LRP2: variants seen among roughly 807,000 people sequenced by gnomAD.
LRP2 encodes LDL receptor related protein 2, also known as low-density lipoprotein receptor-related protein 2.
In LRP2, 172 loss-of-function variants were observed where a neutral mutation model predicts 531.0. The observed-to-expected ratio is 0.32, with a 90% CI of 0.29 to 0.37. LRP2 has a LOEUF of 0.37. LRP2 is among the 10% of genes least tolerant of loss of function. LRP2 has a pLI of 1.00. For missense variants in LRP2, 5,167 were observed against 5,868.3 expected, an observed-to-expected ratio of 0.88 and a Z score of 3.90; for synonymous variants, 1,992 against 2,027.6, an observed-to-expected ratio of 0.98 and a Z score of 0.47.
At chr2:169,277,193 C>CA (rs5836227) in intron 13 of LRP2, among the ~76,000 whole-genome samples, 4,872 of 88,020 alleles carry the variant, frequency 0.055, 152 homozygotes, top group South Asian at 0.12. Flanking sequence ...GACTCCATCT[C>CA]AAAAAAAAAA....
chr2:169,205,329 T>C (rs2105331019), intron 41 of LRP2, 150 bp downstream of exon 41: 1 of 827,914 alleles, frequency 1.2e-6, no homozygotes, highest in Non-Finnish European at 2.0e-6. Context: ...CAAGTTCCAA[T>C]ATAAACATAG....
Position 169,362,516 on chromosome 2 carries a change from T to C in LRP2, c.-117A>G. 2 of 903,806 alleles carry C rather than the reference T, an allele frequency of 2.2e-6. No homozygotes were observed. Among genetic ancestry groups the C allele is most frequent in the Non-Finnish European group, 3.5e-6 (2 of 573,990 alleles). The allele number at this position is 903,806 out of a possible 1,614,324, so 56.0% of individuals were successfully genotyped here. On this transcript the variant is annotated 5_prime_UTR_variant, in exon 1 of 79. Transcript: ENST00000649046. ...CCTTTAGGTCTGCACCTCCGCCAGC[T>C]CCTAGTGGCCAAAAGCCTGCCCCCA...
Position 169,127,334 on chromosome 2 carries a change from T to C in LRP2, c.*1329A>G, listed in dbSNP as rs1047026295. On this transcript the variant is annotated 3_prime_UTR_variant, in exon 79 of 79. Coordinates refer to ENST00000649046, the MANE Select transcript of LRP2 (RefSeq NM_004525.3). ...CAATATTAGCACAGAGAGTCAGGTA[T>C]GCTATTTGCTATGGGAAAGTGTATA... is the stretch of plus-strand genomic sequence containing the variant. The C allele has an allele frequency of 3.3e-5, 5 of 152,366 alleles. No homozygotes were observed. The South Asian group carries it at 6.2e-4, about 19-fold the overall frequency. 9.4% of individuals were successfully genotyped at this position (152,366 alleles called of 1,614,324 possible).
At chr2:169,315,180 A>G (rs754257468) in intron 3 of LRP2, among the ~76,000 whole-genome samples, 41 of 152,172 alleles carry the variant, frequency 2.7e-4, no homozygotes, top group Non-Finnish European at 4.0e-4. Flanking sequence ...TTACACAAAC[A>G]TCTGTTGAGG....
chr2:169,299,230 C>T (rs1478513087), intron 4 of LRP2, among the ~76,000 whole-genome samples: 1 of 151,248 alleles, frequency 6.6e-6, no homozygotes, highest in Non-Finnish European at 1.5e-5. Flanking sequence ...TATGGTCATC[C>T]CGAGGACTTG....
intron 51 of LRP2, 50 bp downstream of exon 51, chr2:169,182,117 G>A (rs1559000511): frequency 6.2e-7 from 1 of 1,608,900 alleles, no homozygotes; most frequent in Non-Finnish European, 8.5e-7. Context: ...CGGTAACAGA[G>A]GCAGAAGAAG....
chr2:169,162,799 T>C (rs1188842453), intron 62 of LRP2, among the ~76,000 whole-genome samples, 199 bp from the exon 63 acceptor site: 1 of 152,230 alleles, frequency 6.6e-6, no homozygotes, highest in African/African-American at 2.4e-5. Flanking sequence ...GTGTCACTAC[T>C]GGGCTGAAGC....
intron 16 of LRP2, among the ~76,000 whole-genome samples, chr2:169,261,929 G>A (rs1343057517): frequency 2.0e-5 from 3 of 150,774 alleles, no homozygotes; most frequent in African/African-American, 4.9e-5. Context: ...GGGATGCAAG[G>A]CTGGTTCAAT....
At chr2:169,288,241 T>A (rs58168906) in intron 9 of LRP2, among the ~76,000 whole-genome samples, 2,163 of 152,294 alleles carry the variant, frequency 0.014, 54 homozygotes, top group African/African-American at 0.049. Context: ...AAACTGATGA[T>A]AGTTGGTCAA....
intron 16 of LRP2, among the ~76,000 whole-genome samples, chr2:169,263,181 A>G (rs1475619859): frequency 2.6e-5 from 4 of 152,310 alleles, no homozygotes; most frequent in South Asian, 2.1e-4. Flanking sequence ...GGACATAGGC[A>G]TGGGCAAAGA....
At chr2:169,294,070 G>T (rs1684073481) in intron 6 of LRP2, 78 bp downstream of exon 6, 2 of 962,700 alleles carry the variant, frequency 2.1e-6, no homozygotes, top group South Asian at 1.3e-5. Context: ...TGGGGGAGCG[G>T]GGGGATAAAA....
chr2:169,284,550 AGCCACC>A (rs1683800620), intron 9 of LRP2, among the ~76,000 whole-genome samples: 1 of 152,132 alleles, frequency 6.6e-6, no homozygotes, highest in East Asian at 1.9e-4. Flanking sequence ...TGCAGGCGTA[AGCCACC>A]GCATCCAGCC....
chr2:169,315,728 A>C (rs1427833695), intron 3 of LRP2, among the ~76,000 whole-genome samples: 1 of 151,082 alleles, frequency 6.6e-6, no homozygotes, highest in African/African-American at 2.4e-5. Flanking sequence ...GATCAGCATC[A>C]GTGTCAGAGA....
chr2:169,206,596 A>G lies in LRP2; in HGVS notation c.7124T>C (p.Leu2375Pro). 6.2e-7 allele frequency: 1 copy of G among 1,614,160 alleles called. No homozygotes were observed. Among genetic ancestry groups the G allele is most frequent in the Non-Finnish European group, 8.5e-7 (1 of 1,180,030 alleles). ...TPKCDCAFGTLQSDGKNCAIS... is the reference protein window; with the variant it reads ...TPKCDCAFGTPQSDGKNCAIS... ...GGCACAATTCTTGCCATCACTTTGC[A>G]GGGTCCCAAAGGCACAGTCACATTT... is the stretch of plus-strand genomic sequence containing the variant. Residue 2375 changes from leucine to proline, a missense_variant, in exon 39 of 79, where the codon CTG becomes CCG. Coordinates refer to ENST00000649046, the MANE Select transcript of LRP2 (RefSeq NM_004525.3).
intron 3 of LRP2, among the ~76,000 whole-genome samples, chr2:169,308,622 T>C (rs1314529921): frequency 1.3e-5 from 2 of 152,214 alleles, no homozygotes; most frequent in African/African-American, 2.4e-5. Flanking sequence ...CAGTGTATCA[T>C]TGATGGACTT....
chr2:169,282,211 C>A (rs1165682617), intron 10 of LRP2, among the ~76,000 whole-genome samples: 1 of 152,176 alleles, frequency 6.6e-6, no homozygotes, highest in African/African-American at 2.4e-5. Context: ...ACACCAAAGA[C>A]ACTTCAAAAT....
chr2:169,357,095 G>T (rs1023348346), intron 1 of LRP2, among the ~76,000 whole-genome samples: 1 of 151,850 alleles, frequency 6.6e-6, no homozygotes. Context: ...AATAGGATAC[G>T]ATAGAACCAT....
chr2:169,211,907 C>T (rs1425079443), intron 37 of LRP2, 61 bp downstream of exon 37: 5 of 1,608,618 alleles, frequency 3.1e-6, no homozygotes, highest in Non-Finnish European at 4.3e-6. Flanking sequence ...TTTCATGGCA[C>T]CAGGGATTTC....
At chr2:169,182,460 G>C in intron 50 of LRP2, 141 bp from the exon 51 acceptor site, 1 of 1,550,142 alleles carries the variant, frequency 6.5e-7, no homozygotes, top group East Asian at 2.4e-5. Flanking sequence ...ATGAGGGCAG[G>C]GGAAAACAGG....
Sources: gnomAD v4.1 joint callset for allele counts (sites outside exome capture counted in the v4.1 genomes callset) on GRCh38, gnomAD v4.1.1 for gene constraint, MANE v1.5 for transcripts, NCBI Gene and HGNC (gene_info 2026-07-23, HGNC 2026-07-21) for gene names.